Variants in MFSD6 observed in about 807,000 individuals in gnomAD.
MFSD6 encodes major facilitator superfamily domain containing 6.
Under a neutral mutation model 56.3 loss-of-function variants are expected in MFSD6, and 26 were observed. The ratio of observed to expected loss-of-function variants is 0.46; its 90% CI spans 0.34 to 0.64. The LOEUF is 0.64. Ranked by LOEUF, MFSD6 falls within the 30% of genes least tolerant of loss-of-function variation. MFSD6 has a pLI of 0.01. For synonymous variants in MFSD6, 331 were observed against 366.9 expected (o/e 0.90, Z 1.12); for missense variants, 750 against 986.2 (o/e 0.76, Z 3.21).
Position 190,449,542 on chromosome 2 carries a change from A to G in MFSD6, c.1532+11981A>G, listed in dbSNP as rs577346870. ...TTGAATAGTAATTCATGCTGCTATA[A>G]AGACACATGCACACATATGACACAT... On this transcript the variant is annotated intron_variant, in intron 3 of 7. Transcript: ENST00000392328. Among the ~76,000 whole-genome samples the G allele has an allele frequency of 4.6e-5, 7 of 152,354 alleles. No homozygotes were observed. The South Asian group carries it at 1.4e-3, about 32-fold the overall frequency.
At chr2:190,446,928 C>CTA (rs1686605945) in intron 3 of MFSD6, among the ~76,000 whole-genome samples, 2 of 152,186 alleles carry the variant, frequency 1.3e-5, no homozygotes, top group Non-Finnish European at 2.9e-5. Context: ...GGATCTCTCC[C>CTA]AGTGCACTGC....
At chr2:190,472,203 G>A (rs4853715) in intron 4 of MFSD6, among the ~76,000 whole-genome samples, 133,905 of 152,266 alleles carry the variant, frequency 0.88, 59,692 homozygotes, top group East Asian at 1. Flanking sequence ...CCAAAGAAAC[G>A]CAGCTCCTCA....
chr2:190,481,788 T>C (rs1316310786), intron 4 of MFSD6, among the ~76,000 whole-genome samples: 2 of 152,218 alleles, frequency 1.3e-5, no homozygotes, highest in Admixed American at 6.5e-5. Flanking sequence ...AATTGTTGCA[T>C]GTCTTATATA....
rs1689738654 is a variant in MFSD6, at chr2:190,497,054, G to A, written c.1892-385G>A. ...ACCACCTGTTCCCCAAAAACCTGTG[G>A]GAATAAAACATTTTTTAAAAAATAA... On this transcript the variant is annotated intron_variant, in intron 6 of 7. Coordinates refer to ENST00000392328, the MANE Select transcript of MFSD6 (RefSeq NM_017694.4). The surrounding 1 kb of genome is among the most constrained non-coding windows in gnomAD (Gnocchi z 5.2). 6.6e-6 allele frequency among the ~76,000 whole-genome samples: 1 copy of A among 152,072 alleles called. No individual in the cohort carries two copies. Among genetic ancestry groups the A allele is most frequent in the African/African-American group, 2.4e-5 (1 of 41,396 alleles).
At chr2:190,414,375 A>G (rs559930566) in intron 1 of MFSD6, among the ~76,000 whole-genome samples, 26 of 152,344 alleles carry the variant, frequency 1.7e-4, no homozygotes, top group African/African-American at 5.5e-4. Flanking sequence ...CTATTTCAAA[A>G]TCATGCCTGT....
intron 2 of MFSD6, among the ~76,000 whole-genome samples, chr2:190,421,245 G>A (rs1685602472): frequency 1.3e-5 from 2 of 152,204 alleles, no homozygotes; most frequent in South Asian, 4.1e-4. Flanking sequence ...ACCTGGGGAA[G>A]ATTCAGCAGA....
At position 190,417,703 on chromosome 2, in the gene MFSD6, C is replaced by A. The variant is rs4853507; in HGVS notation, c.-54+2290C>A. ...TGTGCCCTTTAGTCTTGGGATAAAT[C>A]TTTTACGGATCCTCTGCTGCCTTTT... On this transcript the variant is annotated intron_variant, in intron 2 of 7. Transcript: ENST00000392328. This position sits in a 1 kb window ranked among gnomAD's most constrained non-coding sequence, Gnocchi z 5.7. Among the ~76,000 whole-genome samples the A allele has an allele frequency of 0.45, 68,967 of 151,628 alleles. 16,034 individuals carry two copies. The highest frequency in any genetic ancestry group is 0.6 in the East Asian group (3,078 of 5,154).
intron 1 of MFSD6, chr2:190,411,079 C>T (rs1690542073): frequency 3.1e-6 from 3 of 981,582 alleles, no homozygotes; most frequent in Non-Finnish European, 3.6e-6. Context: ...AAAAAACTAG[C>T]TTCAGAAGAA....
Position 190,488,944 on chromosome 2 carries a change from C to T in MFSD6, c.1792+126C>T. 1.0e-6 allele frequency: 1 copy of T among 980,862 alleles called. No homozygotes were observed. Among genetic ancestry groups the T allele is most frequent in the Non-Finnish European group, 1.4e-6 (1 of 694,896 alleles). 60.8% of individuals were successfully genotyped at this position (980,862 alleles called of 1,614,324 possible). ...AAAGCTAAATTCCAGTATTCATAATCTCTTTCTAGATTTCATGGTAGTCAT... is the reference window on the plus strand; with the variant it reads ...AAAGCTAAATTCCAGTATTCATAATTTCTTTCTAGATTTCATGGTAGTCAT... On this transcript the variant is annotated intron_variant, in intron 5 of 7. Transcript: ENST00000392328. The surrounding 1 kb of genome is among the most constrained non-coding windows in gnomAD (Gnocchi z 6.4).
Position 190,431,901 on chromosome 2 carries a change from A to G in MFSD6, c.-53-4076A>G, listed in dbSNP as rs1421089538. On this transcript the variant is annotated intron_variant, in intron 2 of 7. Transcript: ENST00000392328. This position sits in a 1 kb window ranked among gnomAD's most constrained non-coding sequence, Gnocchi z 4.4. ...ATCTGTCCATCCTTTTTCTTTAAAA[A>G]TATACATTATTCTGGTATTGTTTCA... 2.0e-5 allele frequency among the ~76,000 whole-genome samples: 3 copies of G among 152,210 alleles called. No homozygotes were observed. In the East Asian group the frequency reaches 5.8e-4, roughly 29 times the overall value.
intron 3 of MFSD6, chr2:190,442,671 A>G (rs1686424312): frequency 6.6e-6 from 1 of 152,200 alleles, no homozygotes; most frequent in African/African-American, 2.4e-5. Context: ...CTACATTTCC[A>G]GCTTGGTATG....
At chr2:190,466,922 A>T (rs1687636532) in intron 3 of MFSD6, among the ~76,000 whole-genome samples, 1 of 152,328 alleles carries the variant, frequency 6.6e-6, no homozygotes, top group South Asian at 2.1e-4. Context: ...CCATCTGGGA[A>T]GAGGTTTGAA....
At position 190,436,674 on chromosome 2, in the gene MFSD6, A is replaced by G. The variant is rs746707609; in HGVS notation, c.645A>G (p.Pro215=). ...ATGTCTCAGACACCGTTACTTTGCC[A>G]ACAGCTCCAAACATGAACAGTGAAC... The part of the protein sequence containing the change: ...RLNVSDTVTL[P]TAPNMNSEPT... The change falls in exon 3 of 8, where the codon CCA becomes CCG. Residue 215 remains proline (P), a synonymous_variant. Coordinates refer to ENST00000392328, the MANE Select transcript of MFSD6 (RefSeq NM_017694.4). The surrounding 1 kb of genome is among the most constrained non-coding windows in gnomAD (Gnocchi z 5.3). 1 of 1,614,216 alleles carries G rather than the reference A, an allele frequency of 6.2e-7. No homozygotes were observed. Among genetic ancestry groups the G allele is most frequent in the Non-Finnish European group, 8.5e-7 (1 of 1,180,030 alleles).
At chr2:190,432,498 C>T (rs576608237) in intron 2 of MFSD6, among the ~76,000 whole-genome samples, 1 of 152,176 alleles carries the variant, frequency 6.6e-6, no homozygotes, top group Admixed American at 6.5e-5. Flanking sequence ...CTCTCTGCAA[C>T]CTCCGGCTCC....
At position 190,456,049 on chromosome 2, in the gene MFSD6, T is replaced by A. The variant is rs1307224675; in HGVS notation, c.1533-13709T>A. Among the ~76,000 whole-genome samples the A allele has an allele frequency of 6.7e-6, 1 of 148,840 alleles. No individual in the cohort carries two copies. Among genetic ancestry groups the A allele is most frequent in the Non-Finnish European group, 1.5e-5 (1 of 67,522 alleles). On this transcript the variant is annotated intron_variant, in intron 3 of 7. Transcript: ENST00000392328. This position sits in a 1 kb window ranked among gnomAD's most constrained non-coding sequence, Gnocchi z 5.4. The stretch of plus-strand genomic sequence containing the variant: ...TCTGCCTCCTGGGTTCAAGCAGTTC[T>A]CCTGTGTCAGCCTCTCTTGTAGCTG...
chr2:190,496,613 T>C lies in MFSD6; in HGVS notation c.1892-826T>C, dbSNP rs923520870. On this transcript the variant is annotated intron_variant, in intron 6 of 7. Transcript: ENST00000392328. This position sits in a 1 kb window ranked among gnomAD's most constrained non-coding sequence, Gnocchi z 4.7. ...CAATGAGTGGATAAAGAAACTGTAG[T>C]GTGTGTATGTATGTATATGTGTGTA... Among the ~76,000 whole-genome samples, 3 of 152,142 alleles carry C rather than the reference T, an allele frequency of 2.0e-5. No individual in the cohort carries two copies. Among genetic ancestry groups the C allele is most frequent in the Admixed American group, 6.5e-5 (1 of 15,278 alleles).
Position 190,440,252 on chromosome 2 carries a change from G to A in MFSD6, c.1532+2691G>A, listed in dbSNP as rs145659985. On this transcript the variant is annotated intron_variant, in intron 3 of 7. Coordinates refer to ENST00000392328, the MANE Select transcript of MFSD6 (RefSeq NM_017694.4). ...AATAGCATGTCCAGTTTTGAACTCA[G>A]TATTTTAACAGTTTCACAATATACA... is the stretch of plus-strand genomic sequence containing the variant. Among the ~76,000 whole-genome samples the A allele has an allele frequency of 2.6e-5, 4 of 152,266 alleles. No homozygotes were observed. The East Asian group carries it at 7.7e-4, about 29-fold the overall frequency.
rs11307721 is a variant in MFSD6, at chr2:190,485,803, T to TAA, written c.1631-2841_1631-2840dup. Among the ~76,000 whole-genome samples, 131 of 144,536 alleles carry TAA rather than the reference T, an allele frequency of 9.1e-4. No individual in the cohort carries two copies. The highest frequency in any genetic ancestry group is 3.0e-3 in the African/African-American group (120 of 39,378). The allele number at this position is 144,536 out of a possible 152,430, so 94.8% of individuals were successfully genotyped here. A position where few individuals can be genotyped will look rare whatever the true frequency, so the allele number is the denominator to read the frequency against. On this transcript the variant is annotated intron_variant, in intron 4 of 7. Transcript: ENST00000392328. This position sits in a 1 kb window ranked among gnomAD's most constrained non-coding sequence, Gnocchi z 5.1. The stretch of plus-strand genomic sequence containing the variant: ...TAATCATCTAGTCCATCTTACTAGT[T>TAA]AAAAAAAAAAAAAACCTAGTTAAAA...
rs957951531 is a variant in MFSD6 at position 190,433,761 on chromosome 2, A to G, written c.-53-2216A>G. On this transcript the variant is annotated intron_variant, in intron 2 of 7. Coordinates refer to ENST00000392328, the MANE Select transcript of MFSD6 (RefSeq NM_017694.4). The surrounding 1 kb of genome is among the most constrained non-coding windows in gnomAD (Gnocchi z 4.5). ...AGTTGTGTTCCATTGTCTACCTAGG[A>G]GCTTTGTAGAGATTAAAAAATGCTT... Among the ~76,000 whole-genome samples, 8 of 152,190 alleles carry G rather than the reference A, an allele frequency of 5.3e-5. No individual in the cohort carries two copies. The highest frequency in any genetic ancestry group is 3.9e-4 in the Admixed American group (6 of 15,282).
Sources: gnomAD v4.1 joint callset for allele counts (sites outside exome capture counted in the v4.1 genomes callset) on GRCh38, gnomAD v4.1.1 for gene constraint, Gnocchi (gnomAD v3.1) non-coding constraint, MANE v1.5 for transcripts, NCBI Gene and HGNC (gene_info 2026-07-23, HGNC 2026-07-21) for gene names.